SPAG17: variants seen among roughly 807,000 people sequenced by gnomAD.
The protein encoded by SPAG17 is sperm-associated antigen 17.
Under a neutral mutation model 273.6 loss-of-function variants are expected in SPAG17, and 169 were observed. The observed-to-expected ratio is 0.62, with a 90% CI of 0.55 to 0.70. The LOEUF is 0.70. Ranked by LOEUF, SPAG17 falls within the 30% of genes least tolerant of loss-of-function variation. The probability of loss-of-function intolerance (pLI) is 0.00; values close to 1 mark genes in which losing one functional copy is unlikely to be tolerated. For missense variants in SPAG17, 2,557 were observed against 2,627.8 expected, an observed-to-expected ratio of 0.97 and a Z score of 0.59; for synonymous variants, 825 against 873.2, an observed-to-expected ratio of 0.94 and a Z score of 0.97.
rs985918544 is a variant in SPAG17, at chr1:118,028,405, T to C, written c.3610-11A>G. ...TTCTACTTCTTCTTCCTGTAAATAA[T>C]TCAGCATGTGAATAATGGGCTGTCA... is the stretch of plus-strand genomic sequence containing the variant. On this transcript the variant is annotated splice_polypyrimidine_tract_variant and intron_variant, in intron 25 of 48. Coordinates refer to ENST00000336338, the MANE Select transcript of SPAG17 (RefSeq NM_206996.4). The C allele has an allele frequency of 6.2e-7, 1 of 1,611,856 alleles. No homozygotes were observed. The highest frequency in any genetic ancestry group is 1.3e-5 in the African/African-American group (1 of 74,726).
intron 29 of SPAG17, among the ~76,000 whole-genome samples, chr1:118,012,731 C>A (rs561416932): frequency 6.6e-6 from 1 of 152,186 alleles, no homozygotes; most frequent in Non-Finnish European, 1.5e-5. Flanking sequence ...ATGATAAATG[C>A]GGCATATTGT....
chr1:118,104,141 T>C lies in SPAG17; in HGVS notation c.448-2215A>G, dbSNP rs562525131. On this transcript the variant is annotated intron_variant, in intron 4 of 48. Coordinates refer to ENST00000336338, the MANE Select transcript of SPAG17 (RefSeq NM_206996.4). Reference sequence around the variant, plus strand: ...AAGACTAGTAAGGAAACTCTCGCAATAGTCCAGAGAAAACCCAATAGTGAC... The same window carrying C: ...AAGACTAGTAAGGAAACTCTCGCAACAGTCCAGAGAAAACCCAATAGTGAC... Among the ~76,000 whole-genome samples, 3 of 152,304 alleles carry C rather than the reference T, an allele frequency of 2.0e-5. No homozygotes were observed. In the East Asian group the frequency reaches 5.8e-4, roughly 29 times the overall value.
chr1:118,091,992 G>T lies in SPAG17; in HGVS notation c.1184C>A (p.Pro395His), dbSNP rs75009075. The change falls in exon 9 of 49, where the codon CCT (proline) becomes CAT (histidine). Residue 395 changes from proline to histidine, a missense_variant. Physicochemically the swap from Pro to His is moderately conservative, Grantham distance 77 (BLOSUM62 -2). Coordinates refer to ENST00000336338, the MANE Select transcript of SPAG17 (RefSeq NM_206996.4). The stretch of plus-strand genomic sequence containing the variant: ...CTTCTTTCCAGGAGCTGGTACAGCA[G>T]GTTGTGGAGCCTAGAAAAAGAATAA... ...EAMPTSEAPQ[P>H]AVPAPGKKKA... 4 of 1,613,398 alleles carry T rather than the reference G, an allele frequency of 2.5e-6. No individual in the cohort carries two copies. In the African/African-American group the frequency reaches 5.3e-5, roughly 22 times the overall value.
rs1276925733 is a variant in SPAG17, at chr1:118,157,147, GAGA to G, written c.88-5781_88-5779del. Among the ~76,000 whole-genome samples, 8 of 152,146 alleles carry G rather than the reference GAGA, an allele frequency of 5.3e-5. 1 individual carries two copies. Among genetic ancestry groups the G allele is most frequent in the Admixed American group, 4.6e-4 (7 of 15,276 alleles). On this transcript the variant is annotated intron_variant, in intron 1 of 48. Transcript: ENST00000336338. ...ACTACAAATCAGAGATGTTCACTTG[GAGA>G]AGGTTACTAAACATTTACCAGCATA...
intron 15 of SPAG17, among the ~76,000 whole-genome samples, chr1:118,076,922 C>T (rs563147850): frequency 2.0e-5 from 3 of 152,024 alleles, no homozygotes; most frequent in Non-Finnish European, 4.4e-5. Flanking sequence ...AAACACCCAA[C>T]AAGCATAAAG....
chr1:118,048,232 G>A (rs1650588276), intron 20 of SPAG17, among the ~76,000 whole-genome samples: 1 of 151,984 alleles, frequency 6.6e-6, no homozygotes, highest in Non-Finnish European at 1.5e-5. Context: ...CAGGCTCAAG[G>A]TCTGCTTCAG....
chr1:117,997,716 T>C (rs1657813956), intron 32 of SPAG17, among the ~76,000 whole-genome samples: 1 of 152,154 alleles, frequency 6.6e-6, no homozygotes, highest in African/African-American at 2.4e-5. Context: ...TCTGCCATTA[T>C]TGTGCAAAGC....
chr1:118,159,567 C>A (rs1010969870), intron 1 of SPAG17, among the ~76,000 whole-genome samples: 5 of 152,102 alleles, frequency 3.3e-5, no homozygotes, highest in Admixed American at 3.3e-4. Context: ...ATTCTAATTT[C>A]CTGTAGAAAG....
In SPAG17 at chr1:118,097,669, C is replaced by G; in HGVS notation, c.1011+1G>C. On this transcript the variant is annotated splice_donor_variant, in intron 7 of 48. Transcript: ENST00000336338. LOFTEE classifies it high-confidence loss of function. ...GCACTCTCAGTAATGTGTGTACTAA[C>G]CATCATCTCACCATCTGACCAGTCA... 1 of 1,591,658 alleles carries G rather than the reference C, an allele frequency of 6.3e-7. No individual in the cohort carries two copies. Among genetic ancestry groups the G allele is most frequent in the Non-Finnish European group, 8.5e-7 (1 of 1,171,762 alleles).
At chr1:117,995,725 CACACACACACAA>C (rs1339086508) in intron 34 of SPAG17, among the ~76,000 whole-genome samples, 3 of 151,322 alleles carry the variant, frequency 2.0e-5, no homozygotes, top group Non-Finnish European at 4.4e-5. Flanking sequence ...CACACACACA[CACACACACACAA>C]ACCTAGGCAC....
intron 16 of SPAG17, 38 bp from the exon 17 acceptor site, chr1:118,074,005 GT>G: frequency 6.9e-7 from 1 of 1,459,820 alleles, no homozygotes; most frequent in South Asian, 1.4e-5. Context: ...GCTTTAATTT[GT>G]TTAAGTCCAA....
chr1:118,184,387 G>A (rs989610981), intron 1 of SPAG17, among the ~76,000 whole-genome samples: 4 of 152,120 alleles, frequency 2.6e-5, no homozygotes, highest in Admixed American at 2.6e-4. Flanking sequence ...GAAGCTGGGT[G>A]GGGAGCCAGT....
chr1:118,088,055 C>A (rs760895483), intron 10 of SPAG17, among the ~76,000 whole-genome samples: 1 of 152,134 alleles, frequency 6.6e-6, no homozygotes, highest in Non-Finnish European at 1.5e-5. Context: ...GTAGAAACAC[C>A]CTACTGTCAG....
intron 4 of SPAG17, among the ~76,000 whole-genome samples, chr1:118,111,592 A>ACACACACACACACAC (rs1656764012): frequency 5.3e-5 from 8 of 151,400 alleles, no homozygotes; most frequent in African/African-American, 1.7e-4. Flanking sequence ...ACACACACAC[A>ACACACACACACACAC]AATGGCATTA....
At chr1:118,059,833 A>G (rs1652095132) in intron 18 of SPAG17, among the ~76,000 whole-genome samples, 1 of 152,154 alleles carries the variant, frequency 6.6e-6, no homozygotes, top group East Asian at 1.9e-4. Flanking sequence ...GTGCCCTTAA[A>G]TCTAAAGTGA....
chr1:118,100,588 T>G (rs1656001243), intron 5 of SPAG17, among the ~76,000 whole-genome samples: 1 of 152,230 alleles, frequency 6.6e-6, no homozygotes, highest in South Asian at 2.1e-4. Flanking sequence ...TTATGACTTT[T>G]CTTCTATCAC....
chr1:118,109,437 C>T (rs1156335355), intron 4 of SPAG17, among the ~76,000 whole-genome samples: 1 of 149,748 alleles, frequency 6.7e-6, no homozygotes, highest in Non-Finnish European at 1.5e-5. Flanking sequence ...TGCCTGTATT[C>T]CCAGCTACTT....
chr1:118,093,081 T>A, intron 8 of SPAG17, 75 bp downstream of exon 8: 1 of 1,464,638 alleles, frequency 6.8e-7, no homozygotes, highest in Non-Finnish European at 9.2e-7. Flanking sequence ...TTTTTCTTCA[T>A]ATGCCTTATA....
chr1:118,017,883 G>T (rs1276136788), intron 28 of SPAG17, among the ~76,000 whole-genome samples: 3 of 152,122 alleles, frequency 2.0e-5, no homozygotes, highest in Non-Finnish European at 2.9e-5. Context: ...TCAGCTCAAA[G>T]GTAAGAGGAA....
Sources: gnomAD v4.1 joint callset for allele counts (sites outside exome capture counted in the v4.1 genomes callset) on GRCh38, gnomAD v4.1.1 for gene constraint, MANE v1.5 for transcripts, NCBI Gene and HGNC (gene_info 2026-07-23, HGNC 2026-07-21) for gene names.